GNAI2: variants seen among roughly 807,000 people sequenced by gnomAD.
GNAI2 encodes the protein guanine nucleotide-binding protein G(i) subunit alpha-2.
In GNAI2, 4 loss-of-function variants were observed where a neutral mutation model predicts 36.8. That is an observed-to-expected ratio of 0.11 (90% CI 0.05 to 0.25). The LOEUF (loss-of-function observed/expected upper bound fraction) is 0.25. GNAI2 is among the 10% of genes least tolerant of loss of function. GNAI2 has a pLI of 1.00. For missense variants in GNAI2, 230 were observed against 481.3 expected, an observed-to-expected ratio of 0.48 and a Z score of 4.89; for synonymous variants, 194 against 194.1, an observed-to-expected ratio of 1.00 and a Z score of 0.01.
intron 1 of GNAI2, chr3:50,246,811 C>T: frequency 1.1e-6 from 1 of 942,590 alleles, no homozygotes; most frequent in South Asian, 2.0e-5. Context: ...GGCTCCTGGG[C>T]AGGAAGGAGG....
upstream of GNAI2, chr3:50,235,383 G>C (rs1406832635): frequency 6.6e-6 from 1 of 151,482 alleles, no homozygotes; most frequent in Admixed American, 6.6e-5. Context: ...TGAATGGCGC[G>C]ATCTCGGCTC....
chr3:50,257,442 G>A (rs1409485780), intron 7 of GNAI2, 58 bp from the exon 8 acceptor site: 22 of 1,212,084 alleles, frequency 1.8e-5, no homozygotes, highest in Admixed American at 8.9e-5. Flanking sequence ...TGCTGCACAC[G>A]TAGGATGCGG....
In GNAI2 at chr3:50,256,862, T is replaced by A. The variant is rs1553703288; in HGVS notation, c.723+10T>A. 1 of 1,613,784 alleles carries A rather than the reference T, an allele frequency of 6.2e-7. No homozygotes were observed. Among genetic ancestry groups the A allele is most frequent in the East Asian group, 2.2e-5 (1 of 44,864 alleles). On this transcript the variant is annotated intron_variant, in intron 6 of 8. Coordinates refer to ENST00000313601, the MANE Select transcript of GNAI2 (RefSeq NM_002070.4). The stretch of plus-strand genomic sequence containing the variant: ...TGAGGACGAGGAGATGGTGAGAGGA[T>A]GAGAGAATGCTGCGGGTGGGGGCAG...
At position 50,256,205 on chromosome 3, in the gene GNAI2, C is replaced by T. The variant is rs1442427043; in HGVS notation, c.478C>T (p.Leu160=). ...CCCCATCCCCAGCTACCTGAACGACCTGGAGCGTATTGCACAGAGTGACTA... is the reference window on the plus strand; with the variant it reads ...CCCCATCCCCAGCTACCTGAACGACTTGGAGCGTATTGCACAGAGTGACTA... ...NDSAAYYLND[L]ERIAQSDYIP... Residue 160 remains leucine, a synonymous_variant, in exon 5 of 9, where the codon CTG becomes TTG. Coordinates refer to ENST00000313601, the MANE Select transcript of GNAI2 (RefSeq NM_002070.4). The T allele has an allele frequency of 6.3e-7, 1 of 1,598,318 alleles. No individual in the cohort carries two copies. Among genetic ancestry groups the T allele is most frequent in the African/African-American group, 1.4e-5 (1 of 74,066 alleles).
chr3:50,258,096 T>A (rs1553703557), intron 8 of GNAI2: 1 of 170,390 alleles, frequency 5.9e-6, no homozygotes, highest in Non-Finnish European at 1.2e-5. Context: ...ACCAGCTCCA[T>A]GTGCACCTCC....
chr3:50,244,784 C>T (rs1390163581), intron 1 of GNAI2, among the ~76,000 whole-genome samples: 7 of 152,100 alleles, frequency 4.6e-5, no homozygotes, highest in African/African-American at 7.2e-5. Context: ...CAGGCCAGGC[C>T]GTAAGGGACT....
upstream of GNAI2, among the ~76,000 whole-genome samples, chr3:50,228,885 G>A (rs1700022290): frequency 6.6e-6 from 1 of 152,154 alleles, no homozygotes; most frequent in African/African-American, 2.4e-5. Context: ...CAGGCAGAGC[G>A]ATGCTTGTGC....
At position 50,252,071 on chromosome 3, in the gene GNAI2, C is replaced by A. The variant is rs782457235; in HGVS notation, c.119-29C>A. On this transcript the variant is annotated intron_variant, in intron 1 of 8. Transcript: ENST00000313601. The surrounding 1 kb of genome is among the most constrained non-coding windows in gnomAD (Gnocchi z 4.1). ...GCCTGTGGAGCCCCTCTGGGCCTGC[C>A]CCCTGACCACCTGTGCCCTCTGTTC... 2 of 1,611,026 alleles carry A rather than the reference C, an allele frequency of 1.2e-6. No homozygotes were observed. Among genetic ancestry groups the A allele is most frequent in the South Asian group, 2.2e-5 (2 of 90,900 alleles).
In GNAI2 at chr3:50,236,817, C is replaced by A. The variant is rs1466978274; in HGVS notation, c.118+364C>A. Among the ~76,000 whole-genome samples, 3 of 152,156 alleles carry A rather than the reference C, an allele frequency of 2.0e-5. No homozygotes were observed. The highest frequency in any genetic ancestry group is 7.2e-5 in the African/African-American group (3 of 41,426). On this transcript the variant is annotated intron_variant, in intron 1 of 8. Coordinates refer to ENST00000313601, the MANE Select transcript of GNAI2 (RefSeq NM_002070.4). This position sits in a 1 kb window ranked among gnomAD's most constrained non-coding sequence, Gnocchi z 4.0. ...CCCCCAGGATGCCCGCCACTTGTTC[C>A]CCAACCCTCAGGCTCCGCTTGTTTT...
chr3:50,236,024 C>T (rs1050373444), upstream of GNAI2: 5 of 244,368 alleles, frequency 2.0e-5, no homozygotes. The surrounding 1 kb of genome is among the most constrained non-coding windows in gnomAD (Gnocchi z 4.0). Context: ...AGCCCAGGCC[C>T]GAGCCTGGGC....
intron 1 of GNAI2, chr3:50,251,624 CT>C: frequency 7.7e-7 from 1 of 1,297,068 alleles, no homozygotes; most frequent in South Asian, 1.2e-5. Flanking sequence ...GCTTAGGCCC[CT>C]GGTTGCTAAG....
chr3:50,246,290 C>A (rs1700422393), intron 1 of GNAI2, among the ~76,000 whole-genome samples: 1 of 152,332 alleles, frequency 6.6e-6, no homozygotes, highest in Admixed American at 6.5e-5. Flanking sequence ...GCTGAGGCTG[C>A]TTTTCTGAAA....
chr3:50,248,213 A>G (rs979413999), intron 1 of GNAI2, among the ~76,000 whole-genome samples: 3 of 152,090 alleles, frequency 2.0e-5, no homozygotes, highest in East Asian at 1.9e-4. Flanking sequence ...AGATCATGCT[A>G]TTGCACTCCA....
chr3:50,235,862 GGTTAACA>G (rs1167335179), upstream of GNAI2: 1 of 152,378 alleles, frequency 6.6e-6, no homozygotes, highest in Non-Finnish European at 1.5e-5. Context: ...CCCACCCTCG[GGTTAACA>G]GATCCGCCCT....
rs953606864 is a variant in GNAI2, at chr3:50,257,506, A to G, written c.884A>G (p.Asn295Ser). ...TTCATTTTCTCTCCCCCAGGGGCCA[A>G]CAAATATGATGAGGCAGCCAGCTAC... Reference protein sequence around the residue: ...TICFPEYTGANKYDEAASYIQ... With the variant: ...TICFPEYTGASKYDEAASYIQ... The change falls in exon 8 of 9, where the codon AAC becomes AGC. Residue 295 changes from asparagine to serine, a missense_variant. Coordinates refer to ENST00000313601, the MANE Select transcript of GNAI2 (RefSeq NM_002070.4). 3 of 1,558,370 alleles carry G rather than the reference A, an allele frequency of 1.9e-6. No homozygotes were observed. Among genetic ancestry groups the G allele is most frequent in the Non-Finnish European group, 2.6e-6 (3 of 1,148,496 alleles).
intron 4 of GNAI2, among the ~76,000 whole-genome samples, chr3:50,254,492 A>T (rs1235141695): frequency 1.3e-5 from 2 of 152,172 alleles, no homozygotes; most frequent in Non-Finnish European, 2.9e-5. Context: ...TGTCCAAGCC[A>T]CATGAACAGC....
upstream of GNAI2, among the ~76,000 whole-genome samples, chr3:50,228,632 AT>A (rs1381334007): frequency 1.3e-5 from 2 of 151,674 alleles, no homozygotes; most frequent in Non-Finnish European, 2.9e-5. Context: ...TTGGAATGCA[AT>A]TTAAACTTTC....
chr3:50,256,397 G>C, intron 5 of GNAI2, 77 bp downstream of exon 5: 1 of 1,367,980 alleles, frequency 7.3e-7, no homozygotes, highest in Non-Finnish European at 1.0e-6. Flanking sequence ...GCTGGTCCAG[G>C]ATCCCCCAGC....
rs587613434 is a variant in GNAI2 at position 50,250,465 on chromosome 3, G to T, written c.119-1635G>T. Among the ~76,000 whole-genome samples the T allele has an allele frequency of 2.6e-5, 4 of 152,318 alleles. No individual in the cohort carries two copies. The East Asian group carries it at 5.8e-4, about 22-fold the overall frequency. The stretch of plus-strand genomic sequence containing the variant: ...TTGGGACACTGTGAATGGGGCATGG[G>T]GCACGTATTCCCGGCAAAGAGAACA... On this transcript the variant is annotated intron_variant, in intron 1 of 8. Coordinates refer to ENST00000313601, the MANE Select transcript of GNAI2 (RefSeq NM_002070.4).
Sources: gnomAD v4.1 joint callset for allele counts (sites outside exome capture counted in the v4.1 genomes callset) on GRCh38, gnomAD v4.1.1 for gene constraint, Gnocchi (gnomAD v3.1) non-coding constraint, MANE v1.5 for transcripts, NCBI Gene and HGNC (gene_info 2026-07-23, HGNC 2026-07-21) for gene names.